SP140L: variants seen among roughly 807,000 people sequenced by gnomAD.
SP140L encodes SP140 like nuclear body protein, also known as nuclear body protein SP140-like protein.
In SP140L, 64 loss-of-function variants were observed where a neutral mutation model predicts 84.3. The observed-to-expected ratio is 0.76, with a 90% CI of 0.62 to 0.94. The LOEUF (loss-of-function observed/expected upper bound fraction) is 0.94, where lower values mean the gene tolerates loss of function less well. SP140L is among the 40% of genes least tolerant of loss of function. The probability of loss-of-function intolerance (pLI) is 0.00; values close to 1 mark genes in which losing one functional copy is unlikely to be tolerated. For missense variants in SP140L, 628 were observed against 692.5 expected (o/e 0.91, Z 1.05); for synonymous variants, 242 against 236.9 (o/e 1.02, Z -0.20).
At chr2:230,334,313 A>G (rs2059806321) in intron 2 of SP140L, among the ~76,000 whole-genome samples, 1 of 152,272 alleles carries the variant, frequency 6.6e-6, no homozygotes, top group South Asian at 2.1e-4. Context: ...GCTGCCATGT[A>G]TGCACCTACC....
chr2:230,376,366 A>G (rs2149779251), intron 7 of SP140L, among the ~76,000 whole-genome samples: 1 of 152,328 alleles, frequency 6.6e-6, no homozygotes, highest in South Asian at 2.1e-4. Flanking sequence ...CTCCACCAAA[A>G]AACTGTTGGA....
intron 8 of SP140L, 78 bp downstream of exon 8, chr2:230,383,653 T>G: frequency 7.1e-7 from 1 of 1,399,414 alleles, no homozygotes; most frequent in Non-Finnish European, 9.8e-7. Context: ...AGGCCTGCAG[T>G]TCACGAGGGC....
At chr2:230,395,064 G>A (rs924605460) in intron 13 of SP140L, among the ~76,000 whole-genome samples, 1 of 151,952 alleles carries the variant, frequency 6.6e-6, no homozygotes, top group Non-Finnish European at 1.5e-5. Context: ...AGCCTCGCAG[G>A]TTCAAGCAAT....
chr2:230,345,920 C>G (rs1489849513), intron 2 of SP140L, among the ~76,000 whole-genome samples: 2 of 152,092 alleles, frequency 1.3e-5, no homozygotes, highest in African/African-American at 2.4e-5. Flanking sequence ...ACAATCATTA[C>G]AATATAAGAG....
intron 10 of SP140L, 73 bp from the exon 11 acceptor site, chr2:230,389,846 A>G: frequency 7.1e-7 from 1 of 1,398,954 alleles, no homozygotes; most frequent in Non-Finnish European, 1.0e-6. Flanking sequence ...GTGCCTTTAT[A>G]GGATTTACCT....
chr2:230,331,620 T>A (rs578114702), intron 2 of SP140L, among the ~76,000 whole-genome samples: 31 of 152,370 alleles, frequency 2.0e-4, no homozygotes, highest in African/African-American at 6.5e-4. Context: ...TTCTTAATGA[T>A]CCCAGCTAGA....
At chr2:230,333,765 T>C (rs1230933382) in intron 2 of SP140L, among the ~76,000 whole-genome samples, 1 of 152,140 alleles carries the variant, frequency 6.6e-6, no homozygotes, top group African/African-American at 2.4e-5. Flanking sequence ...TTGTTTTTTT[T>C]TCTTGACAAT....
intron 2 of SP140L, chr2:230,342,265 T>G (rs902492448): frequency 6.5e-6 from 1 of 153,844 alleles, no homozygotes; most frequent in African/African-American, 2.4e-5. Flanking sequence ...CCAGGTGCCT[T>G]CCGTCACCCC....
chr2:230,373,359 C>G (rs149099757), intron 7 of SP140L, among the ~76,000 whole-genome samples: 93 of 152,336 alleles, frequency 6.1e-4, no homozygotes, highest in Middle Eastern at 6.8e-3. Context: ...ATTCAAAGCT[C>G]CATAGGACAG....
At chr2:230,375,541 C>T (rs1335666734) in intron 7 of SP140L, among the ~76,000 whole-genome samples, 1 of 152,176 alleles carries the variant, frequency 6.6e-6, no homozygotes, top group Non-Finnish European at 1.5e-5. Flanking sequence ...TTTCTCCACA[C>T]CCTCACCTAT....
chr2:230,364,769 T>A (rs2149748442), intron 5 of SP140L, among the ~76,000 whole-genome samples: 1 of 152,274 alleles, frequency 6.6e-6, no homozygotes, highest in Middle Eastern at 3.4e-3. Flanking sequence ...TGATGTTAGC[T>A]GTAGGCTTGT....
intron 9 of SP140L, among the ~76,000 whole-genome samples, chr2:230,388,002 A>G (rs997051234): frequency 1.3e-5 from 2 of 152,174 alleles, no homozygotes; most frequent in African/African-American, 4.8e-5. Flanking sequence ...CATCTCACCT[A>G]TGGAGCACCT....
chr2:230,362,953 A>G (rs1309175001), intron 5 of SP140L, among the ~76,000 whole-genome samples: 1 of 152,198 alleles, frequency 6.6e-6, no homozygotes, highest in African/African-American at 2.4e-5. Context: ...TCCTCATAGA[A>G]AGACCAACCA....
At chr2:230,348,354 G>A (rs2149709255) in intron 2 of SP140L, among the ~76,000 whole-genome samples, 1 of 152,352 alleles carries the variant, frequency 6.6e-6, no homozygotes, top group Non-Finnish European at 1.5e-5. Context: ...TCATAGCAAT[G>A]TGTAAGGGTT....
chr2:230,400,076 C>A, intron 14 of SP140L, 51 bp from the exon 15 acceptor site: 2 of 1,602,578 alleles, frequency 1.2e-6, no homozygotes, highest in Non-Finnish European at 1.7e-6. Context: ...GAGGGGTGGC[C>A]TTCCTGAATC....
chr2:230,380,865 A>C (rs1213796320), intron 7 of SP140L, among the ~76,000 whole-genome samples: 1 of 152,172 alleles, frequency 6.6e-6, no homozygotes, highest in Non-Finnish European at 1.5e-5. Flanking sequence ...AATTTTGTTT[A>C]TAATTCTCCT....
At chr2:230,392,723 T>TGA (rs59224709) in intron 12 of SP140L, among the ~76,000 whole-genome samples, 40,815 of 151,938 alleles carry the variant, frequency 0.27, 5,803 homozygotes, top group Non-Finnish European at 0.31. Flanking sequence ...AATCTGTAAT[T>TGA]GATAGCAACA....
chr2:230,352,236 C>T (rs1356250148), intron 2 of SP140L, among the ~76,000 whole-genome samples: 1 of 151,822 alleles, frequency 6.6e-6, no homozygotes, highest in Non-Finnish European at 1.5e-5. Flanking sequence ...ATTTTTTATT[C>T]ATACTCCTTG....
intron 2 of SP140L, among the ~76,000 whole-genome samples, chr2:230,354,866 A>AAAGAAAG (rs1559420134): frequency 7.2e-6 from 1 of 138,728 alleles, no homozygotes. Context: ...AGAAAGAAAG[A>AAAGAAAG]AAGAAAGAAA....
Sources: allele counts gnomAD v4.1 joint callset (sites outside exome capture counted in the v4.1 genomes callset), GRCh38; gene constraint gnomAD v4.1.1; transcripts MANE v1.5; gene names NCBI Gene and HGNC (gene_info 2026-07-23, HGNC 2026-07-21).